ALK: variants seen among roughly 807,000 people sequenced by gnomAD.
The protein encoded by ALK is ALK tyrosine kinase receptor.
ALK carries 74 observed loss-of-function variants against 163.1 expected under a neutral mutation model. The ratio of observed to expected loss-of-function variants is 0.45; its 90% confidence interval spans 0.38 to 0.55. The LOEUF is 0.55. Ranked by LOEUF, ALK falls within the 20% of genes least tolerant of loss-of-function variation. The pLI is 0.00. For missense variants in ALK, 2,063 were observed against 2,105.3 expected, an observed-to-expected ratio of 0.98 and a Z score of 0.39; for synonymous variants, 960 against 843.2, an observed-to-expected ratio of 1.14 and a Z score of -2.40.
Position 29,227,657 on chromosome 2 carries a change from G to A in ALK, c.2831C>T (p.Ser944Leu). ...GGGYIGGNAA[S>L]NNDPEMDGED... ...CCCATCCATTTCGGGGTCATTGTTT[G>A]AGGCTGCATTGCCGCCTGAGTAGCA... Residue 944 changes from serine to leucine, a missense_variant, in exon 17 of 29, where the codon TCA becomes TTA. Transcript: ENST00000389048. The surrounding 1 kb of genome is among the most constrained non-coding windows in gnomAD (Gnocchi z 4.4). 3 of 1,613,954 alleles carry A rather than the reference G, an allele frequency of 1.9e-6. No individual in the cohort carries two copies. Among genetic ancestry groups the A allele is most frequent in the Non-Finnish European group, 2.5e-6 (3 of 1,180,014 alleles).
rs934672189 is a variant in ALK at position 29,882,388 on chromosome 2, T to C, written c.667+37605A>G. Among the ~76,000 whole-genome samples, 39 of 152,212 alleles carry C rather than the reference T, an allele frequency of 2.6e-4. 1 individual carries two copies. Among genetic ancestry groups the C allele is most frequent in the African/African-American group, 8.9e-4 (37 of 41,452 alleles). ...ACAGTGAGTTAAATTGAAACTTAAT[T>C]TGTTTATAAAAACTAGATAATACCA... On this transcript the variant is annotated intron_variant, in intron 1 of 28. Transcript: ENST00000389048.
intron 2 of ALK, among the ~76,000 whole-genome samples, chr2:29,699,942 C>G (rs1678683105): frequency 6.6e-6 from 1 of 152,194 alleles, no homozygotes; most frequent in Admixed American, 6.5e-5. Flanking sequence ...TGGGCTTGGT[C>G]CTGCACAGAG....
chr2:29,665,984 G>A (rs984156190), intron 3 of ALK, among the ~76,000 whole-genome samples: 3 of 151,922 alleles, frequency 2.0e-5, no homozygotes, highest in Non-Finnish European at 4.4e-5. Flanking sequence ...CTCATGCATG[G>A]GTGTTTCTCA....
At chr2:29,780,431 C>A (rs1429225882) in intron 1 of ALK, among the ~76,000 whole-genome samples, 2 of 152,368 alleles carry the variant, frequency 1.3e-5, no homozygotes, top group African/African-American at 4.8e-5. Context: ...GGGCCTCCCA[C>A]CTCTCTAGGG....
intron 5 of ALK, among the ~76,000 whole-genome samples, chr2:29,345,158 C>T (rs1425514655): frequency 2.0e-5 from 3 of 152,220 alleles, no homozygotes; most frequent in African/African-American, 4.8e-5. Flanking sequence ...CTTTGGAAGT[C>T]CTAGGCAGGC....
intron 5 of ALK, among the ~76,000 whole-genome samples, chr2:29,349,172 T>A (rs933123980): frequency 6.6e-6 from 1 of 152,164 alleles, no homozygotes; most frequent in African/African-American, 2.4e-5. Flanking sequence ...GCCCTCTCCA[T>A]CGGCTCAGGG....
At chr2:29,296,094 G>A (rs1226382216) in intron 9 of ALK, among the ~76,000 whole-genome samples, 3 of 152,184 alleles carry the variant, frequency 2.0e-5, no homozygotes, top group Admixed American at 2.0e-4. Context: ...AACACTCCAT[G>A]GTTCCTGCTC....
chr2:29,909,506 G>C (rs1667643399), intron 1 of ALK, among the ~76,000 whole-genome samples: 1 of 151,384 alleles, frequency 6.6e-6, no homozygotes, highest in Non-Finnish European at 1.5e-5. Flanking sequence ...GAGAGAGAGA[G>C]AGAGAGAGAG....
chr2:29,835,453 G>T (rs1257414719), intron 1 of ALK, among the ~76,000 whole-genome samples: 1 of 152,144 alleles, frequency 6.6e-6, no homozygotes, highest in East Asian at 1.9e-4. Context: ...TGAAAATGAA[G>T]TTATGGAGTG....
chr2:29,463,252 C>T (rs746214113), intron 4 of ALK, among the ~76,000 whole-genome samples: 9 of 152,196 alleles, frequency 5.9e-5, no homozygotes, highest in Non-Finnish European at 1.2e-4. Context: ...TGCTTACGTG[C>T]TCCCTTGTTT....
intron 1 of ALK, among the ~76,000 whole-genome samples, chr2:29,913,255 T>G (rs555090286): frequency 4.3e-4 from 65 of 152,328 alleles, no homozygotes; most frequent in African/African-American, 1.3e-3. Context: ...AGAATTTCCC[T>G]GGGAAAGGAC....
At chr2:29,886,533 C>T (rs183184747) in intron 1 of ALK, among the ~76,000 whole-genome samples, 406 of 152,320 alleles carry the variant, frequency 2.7e-3, no homozygotes, top group Non-Finnish European at 4.5e-3. Flanking sequence ...GCCTATGGCC[C>T]CAGCCATGTC....
chr2:29,529,954 G>A (rs1214048148), intron 4 of ALK, among the ~76,000 whole-genome samples: 4 of 152,140 alleles, frequency 2.6e-5, no homozygotes, highest in African/African-American at 9.7e-5. Context: ...GGACGTTGAG[G>A]CAGGTGACCA....
chr2:29,206,465 C>T (rs530187858), intron 26 of ALK, among the ~76,000 whole-genome samples: 101 of 152,120 alleles, frequency 6.6e-4, no homozygotes, highest in African/African-American at 2.3e-3. Context: ...AGAGATGGGG[C>T]CTTGCTATGC....
chr2:29,752,424 A>G (rs2541188), intron 1 of ALK, among the ~76,000 whole-genome samples: 1 of 144,364 alleles, frequency 6.9e-6, no homozygotes, highest in East Asian at 2.0e-4. Flanking sequence ...ATCTCGACTC[A>G]CTGCAAGCTC....
chr2:29,625,822 C>G (rs1676178690), intron 3 of ALK, among the ~76,000 whole-genome samples: 1 of 152,194 alleles, frequency 6.6e-6, no homozygotes, highest in South Asian at 2.1e-4. Flanking sequence ...GTTGACATCA[C>G]TTGCCTGATG....
At chr2:29,426,702 T>C (rs1180094703) in intron 4 of ALK, among the ~76,000 whole-genome samples, 1 of 152,148 alleles carries the variant, frequency 6.6e-6, no homozygotes, top group Non-Finnish European at 1.5e-5. Context: ...TAAAAGACTT[T>C]TTTAATACAT....
intron 3 of ALK, among the ~76,000 whole-genome samples, chr2:29,569,391 C>T (rs1203067541): frequency 6.6e-6 from 1 of 152,146 alleles, no homozygotes; most frequent in Non-Finnish European, 1.5e-5. Flanking sequence ...CCATCTGTAT[C>T]CCTAATAATG....
intron 4 of ALK, among the ~76,000 whole-genome samples, chr2:29,476,573 G>A (rs551829435): frequency 2.0e-5 from 3 of 152,230 alleles, no homozygotes; most frequent in South Asian, 2.1e-4. Flanking sequence ...ACAGGGTGTC[G>A]GTGGTAGAAG....
Sources: allele counts gnomAD v4.1 joint callset (sites outside exome capture counted in the v4.1 genomes callset), GRCh38; gene constraint gnomAD v4.1.1; non-coding constraint Gnocchi (gnomAD v3.1); transcripts MANE v1.5; gene names NCBI Gene and HGNC (gene_info 2026-07-23, HGNC 2026-07-21).